LINGO2: variants seen among roughly 807,000 people sequenced by gnomAD.
LINGO2 encodes the protein leucine rich repeat and Ig domain containing 2, also known as leucine-rich repeat and immunoglobulin-like domain-containing nogo receptor-interacting protein 2.
A neutral mutation model predicts 30.6 loss-of-function variants in LINGO2; 14 were observed. The observed-to-expected ratio is 0.46, with a 90% CI of 0.30 to 0.72. The LOEUF is 0.72. LINGO2 is among the 30% of genes least tolerant of loss of function. The pLI, the probability that LINGO2 is intolerant of heterozygous loss-of-function variation, is 0.07. For synonymous variants in LINGO2, 317 were observed against 288.5 expected, an observed-to-expected ratio of 1.10 and a Z score of -1.00; for missense variants, 729 against 751.7, an observed-to-expected ratio of 0.97 and a Z score of 0.35.
chr9:29,103,705 G>GC, the LINGO2 span, among the ~76,000 whole-genome samples: 1 of 152,130 alleles, frequency 6.6e-6, no homozygotes, highest in East Asian at 1.9e-4. Context: ...TCCTAAAGGA[G>GC]CTTGCCATTC....
Position 28,611,812 on chromosome 9 carries a change from AT to A in LINGO2, c.-365+58387del, listed in dbSNP as rs201534951. On this transcript the variant is annotated intron_variant, in intron 1 of 5. Coordinates refer to ENST00000379992, the Ensembl canonical transcript of LINGO2. ...TCTTTTTTATTTATGTATTTATTTT[AT>A]TTTATTTATTTATTTATTTTTTTTT... 9.8e-3 allele frequency among the ~76,000 whole-genome samples: 1,449 copies of A among 147,992 alleles called. 27 individuals are homozygous for A. The highest frequency in any genetic ancestry group is 0.036 in the African/African-American group (1,376 of 38,412).
At chr9:28,506,509 T>G (rs1157511199) in intron 1 of LINGO2, among the ~76,000 whole-genome samples, 13 of 127,496 alleles carry the variant, frequency 1.0e-4, no homozygotes, top group African/African-American at 3.6e-4. Context: ...CACAGACATA[T>G]ATATATATAT....
At chr9:28,549,502 A>G (rs1027984925) in intron 1 of LINGO2, among the ~76,000 whole-genome samples, 10 of 152,002 alleles carry the variant, frequency 6.6e-5, no homozygotes, top group Admixed American at 6.6e-4. Flanking sequence ...TTGTTATTAT[A>G]CAAGACTTGT....
rs369279123 is a variant in LINGO2, at chr9:28,435,565, G to A, written c.-279+40375C>T. Among the ~76,000 whole-genome samples the A allele has an allele frequency of 5.6e-4, 86 of 152,328 alleles. No individual in the cohort carries two copies. In the South Asian group the frequency reaches 0.014, roughly 25 times the overall value. Reference sequence around the variant, plus strand: ...GACATCAAGATTACTGTGAAGGACTGTGAATTTAACATAGAATGACAATGT... The same window carrying A: ...GACATCAAGATTACTGTGAAGGACTATGAATTTAACATAGAATGACAATGT... On this transcript the variant is annotated intron_variant, in intron 2 of 5. Coordinates refer to ENST00000379992, the Ensembl canonical transcript of LINGO2.
At chr9:28,354,274 G>T (rs1228460860) in intron 3 of LINGO2, among the ~76,000 whole-genome samples, 2 of 152,126 alleles carry the variant, frequency 1.3e-5, no homozygotes, top group Non-Finnish European at 2.9e-5. Context: ...GGAAAGATGA[G>T]GATGTACTAT....
At chr9:28,885,874 A>G in the LINGO2 span, among the ~76,000 whole-genome samples, 1 of 152,104 alleles carries the variant, frequency 6.6e-6, no homozygotes, top group African/African-American at 2.4e-5. Flanking sequence ...AATTCTCCAG[A>G]GAGTTTCAAA....
At chr9:28,403,770 C>T (rs1364643861) in intron 2 of LINGO2, among the ~76,000 whole-genome samples, 2 of 151,350 alleles carry the variant, frequency 1.3e-5, no homozygotes, top group Non-Finnish European at 2.9e-5. Flanking sequence ...TAATTTGGTT[C>T]CTGCCTATAA....
At chr9:27,961,197 A>G (rs1412324980) in intron 5 of LINGO2, among the ~76,000 whole-genome samples, 4 of 152,204 alleles carry the variant, frequency 2.6e-5, no homozygotes, top group African/African-American at 9.6e-5. Flanking sequence ...AGCACATATA[A>G]GTTAGGCTAG....
intron 2 of LINGO2, among the ~76,000 whole-genome samples, chr9:28,473,471 G>C (rs1314996468): frequency 6.6e-6 from 1 of 151,490 alleles, no homozygotes; most frequent in Non-Finnish European, 1.5e-5. Context: ...CATTACTACT[G>C]TCTCTATTCC....
intron 4 of LINGO2, among the ~76,000 whole-genome samples, chr9:28,200,719 C>T (rs1293044731): frequency 6.6e-6 from 1 of 152,092 alleles, no homozygotes; most frequent in African/African-American, 2.4e-5. Flanking sequence ...AGAAGTAACA[C>T]ATAAATAAGT....
intron 4 of LINGO2, among the ~76,000 whole-genome samples, chr9:28,174,929 A>T (rs62560762): frequency 4.3e-4 from 51 of 119,828 alleles, no homozygotes; most frequent in Non-Finnish European, 6.0e-4. Context: ...TGTGAGAGAG[A>T]GAGAGAGAGA....
At chr9:28,583,672 C>A (rs1824382613) in intron 1 of LINGO2, among the ~76,000 whole-genome samples, 1 of 151,918 alleles carries the variant, frequency 6.6e-6, no homozygotes, top group Non-Finnish European at 1.5e-5. Flanking sequence ...TCTGAAGGTA[C>A]AAACAATATT....
the LINGO2 span, among the ~76,000 whole-genome samples, chr9:29,191,461 T>C: frequency 6.6e-6 from 1 of 152,094 alleles, no homozygotes; most frequent in African/African-American, 2.4e-5. Flanking sequence ...GGTTATTAGG[T>C]TTTGTTTCTG....
At chr9:28,625,448 G>A (rs1826617017) in intron 1 of LINGO2, among the ~76,000 whole-genome samples, 1 of 152,054 alleles carries the variant, frequency 6.6e-6, no homozygotes, top group African/African-American at 2.4e-5. Flanking sequence ...CAGTTACTAT[G>A]ATTGCTCACC....
intron 4 of LINGO2, among the ~76,000 whole-genome samples, chr9:28,030,850 C>T (rs1417409896): frequency 1.3e-5 from 2 of 151,420 alleles, no homozygotes; most frequent in African/African-American, 2.4e-5. Context: ...AAAAAGCAGA[C>T]AAAGATTCAA....
At chr9:28,739,698 A>T in the LINGO2 span, among the ~76,000 whole-genome samples, 2 of 151,764 alleles carry the variant, frequency 1.3e-5, no homozygotes, top group Admixed American at 6.6e-5. Context: ...ATCAAAAATC[A>T]ATTAACCCAT....
chr9:29,139,086 A>G, the LINGO2 span, among the ~76,000 whole-genome samples: 1 of 152,296 alleles, frequency 6.6e-6, no homozygotes, highest in African/African-American at 2.4e-5. Context: ...AGCAGCCTTT[A>G]TGGAGACGCT....
intron 4 of LINGO2, among the ~76,000 whole-genome samples, chr9:28,161,023 G>A (rs560387418): frequency 2.4e-4 from 36 of 152,226 alleles, no homozygotes; most frequent in East Asian, 2.3e-3. Context: ...AAGTGGCCTC[G>A]GCTCCATAGA....
chr9:29,108,738 C>T, the LINGO2 span, among the ~76,000 whole-genome samples: 1 of 152,306 alleles, frequency 6.6e-6, no homozygotes, highest in East Asian at 1.9e-4. Context: ...GAGTTAATTA[C>T]ATGAGCTTGA....
Sources: allele counts gnomAD v4.1 joint callset (sites outside exome capture counted in the v4.1 genomes callset), GRCh38; gene constraint gnomAD v4.1.1; transcripts MANE v1.5; gene names NCBI Gene and HGNC (gene_info 2026-07-23, HGNC 2026-07-21).